Variants in KCNN2 observed in about 807,000 individuals in gnomAD.
KCNN2 encodes potassium calcium-activated channel subfamily N member 2.
KCNN2 carries 24 observed loss-of-function variants against 55.5 expected under a neutral mutation model. The ratio of observed to expected loss-of-function variants is 0.43; its 90% confidence interval spans 0.31 to 0.61. The LOEUF is 0.61. KCNN2 is among the 20% of genes least tolerant of loss of function. The probability of loss-of-function intolerance (pLI) is 0.08; values close to 1 mark genes in which losing one functional copy is unlikely to be tolerated. For synonymous variants in KCNN2, 431 were observed against 336.1 expected (o/e 1.28, Z -3.09); for missense variants, 754 against 853.6 (o/e 0.88, Z 1.45).
chr5:114,120,079 T>A lies in KCNN2; in HGVS notation c.-271+63579T>A, dbSNP rs957024000. Among the ~76,000 whole-genome samples, 25 of 152,182 alleles carry A rather than the reference T, an allele frequency of 1.6e-4. 1 individual carries two copies. Among genetic ancestry groups the A allele is most frequent in the African/African-American group, 6.0e-4 (25 of 41,454 alleles). ...ACAAGGGCAGTACCCTACTCTTTGA[T>A]CATCATTTATCCAGGAAGCTCTTGA... On this transcript the variant is annotated intron_variant, in intron 1 of 10. Transcript: ENST00000512097.
chr5:114,317,090 C>A (rs1358073845), intron 2 of KCNN2, among the ~76,000 whole-genome samples: 1 of 152,130 alleles, frequency 6.6e-6, no homozygotes, highest in Non-Finnish European at 1.5e-5. Context: ...TCCTTCATCT[C>A]TCTTCCTAGT....
intron 3 of KCNN2, among the ~76,000 whole-genome samples, chr5:114,420,870 C>G (rs1580814239): frequency 6.6e-6 from 1 of 152,154 alleles, no homozygotes; most frequent in African/African-American, 2.4e-5. Context: ...TTTGGCTGGG[C>G]CTGCTGTGGG....
chr5:114,228,326 T>C (rs771995438), intron 2 of KCNN2, among the ~76,000 whole-genome samples: 14 of 152,074 alleles, frequency 9.2e-5, no homozygotes, highest in Non-Finnish European at 1.8e-4. Flanking sequence ...TGTAACAGCA[T>C]GTAGAGTAGA....
At chr5:114,157,177 C>G (rs1252247923) in intron 1 of KCNN2, among the ~76,000 whole-genome samples, 1 of 141,832 alleles carries the variant, frequency 7.1e-6, no homozygotes, top group Non-Finnish European at 1.5e-5. Context: ...TACAGCAGTC[C>G]CTGGTGTGTG....
chr5:114,345,769 C>T (rs1033730889), intron 2 of KCNN2, among the ~76,000 whole-genome samples: 2 of 151,998 alleles, frequency 1.3e-5, no homozygotes, highest in African/African-American at 2.4e-5. Flanking sequence ...CTGGGGAGGC[C>T]TCTGGGAGCT....
chr5:114,353,175 G>A (rs764775388), intron 2 of KCNN2, among the ~76,000 whole-genome samples: 2 of 150,908 alleles, frequency 1.3e-5, no homozygotes, highest in Non-Finnish European at 3.0e-5. Context: ...TTTTCTTAAA[G>A]TCCATTTTGG....
chr5:114,255,300 A>T (rs192820458), intron 2 of KCNN2, among the ~76,000 whole-genome samples: 2 of 152,352 alleles, frequency 1.3e-5, no homozygotes, highest in Non-Finnish European at 2.9e-5. Flanking sequence ...TACAGTGGCA[A>T]CAAAAACTTA....
intron 2 of KCNN2, among the ~76,000 whole-genome samples, chr5:114,229,322 A>C (rs76098618): frequency 6.6e-6 from 1 of 150,626 alleles, no homozygotes; most frequent in Non-Finnish European, 1.5e-5. Flanking sequence ...TTTTGCTTTT[A>C]TTATCTAGGA....
At chr5:114,162,014 T>C (rs757670326) in intron 1 of KCNN2, among the ~76,000 whole-genome samples, 1 of 152,218 alleles carries the variant, frequency 6.6e-6, no homozygotes, top group Non-Finnish European at 1.5e-5. Context: ...TGAAAGTCAT[T>C]CTCTGTCCAG....
chr5:114,068,665 CA>C (rs1750500674), intron 1 of KCNN2, among the ~76,000 whole-genome samples: 1 of 152,274 alleles, frequency 6.6e-6, no homozygotes, highest in South Asian at 2.1e-4. Context: ...CCAGAGGGTC[CA>C]GGGAAAATAA....
At chr5:114,319,612 T>C (rs1756574782) in intron 2 of KCNN2, among the ~76,000 whole-genome samples, 2 of 152,200 alleles carry the variant, frequency 1.3e-5, no homozygotes, top group Non-Finnish European at 2.9e-5. Flanking sequence ...TTTGCCATGG[T>C]TATTATAAAT....
At chr5:114,263,133 A>G (rs557572074) in intron 2 of KCNN2, among the ~76,000 whole-genome samples, 20 of 152,222 alleles carry the variant, frequency 1.3e-4, no homozygotes, top group African/African-American at 4.3e-4. Context: ...TTGGCTCAGT[A>G]TGGCTCTTGG....
chr5:114,214,055 A>G (rs966741881), intron 1 of KCNN2, among the ~76,000 whole-genome samples: 2 of 152,082 alleles, frequency 1.3e-5, no homozygotes, highest in Admixed American at 6.6e-5. Context: ...CCCAATTTAT[A>G]GATGAGAAAG....
At position 114,252,004 on chromosome 5, in the gene KCNN2, G is replaced by A. The variant is rs529545184; in HGVS notation, c.-185+30439G>A. Among the ~76,000 whole-genome samples the A allele has an allele frequency of 2.7e-5, 4 of 149,526 alleles. No homozygotes were observed. The South Asian group carries it at 6.4e-4, about 24-fold the overall frequency. On this transcript the variant is annotated intron_variant, in intron 2 of 10. Transcript: ENST00000512097. ...AGCAATTCTCCCACCTCAGCCTCCCGAGCAGCTGGGATTATAGGCATGCCC... is the reference window on the plus strand; with the variant it reads ...AGCAATTCTCCCACCTCAGCCTCCCAAGCAGCTGGGATTATAGGCATGCCC...
intron 2 of KCNN2, among the ~76,000 whole-genome samples, chr5:114,239,378 T>C (rs749329274): frequency 7.9e-5 from 12 of 152,272 alleles, no homozygotes; most frequent in South Asian, 2.1e-4. Flanking sequence ...GAGATGCTTA[T>C]TGAAAAATTT....
chr5:114,230,283 C>CT lies in KCNN2; in HGVS notation c.-185+8721dup, dbSNP rs1318712958. On this transcript the variant is annotated intron_variant, in intron 2 of 10. Coordinates refer to the KCNN2 transcript ENST00000512097. The stretch of plus-strand genomic sequence containing the variant: ...AGTGATATTCTTTTTTTTTTTCTTT[C>CT]TTTCTTTTTTTTATTATACTTTAAG... Among the ~76,000 whole-genome samples the CT allele has an allele frequency of 3.3e-3, 327 of 99,450 alleles. 3 individuals are homozygous for CT. The highest frequency in any genetic ancestry group is 9.2e-3 in the African/African-American group (265 of 28,768). 65.2% of individuals were successfully genotyped at this position (99,450 alleles called of 152,430 possible).
chr5:114,210,387 C>G (rs1174849818), intron 1 of KCNN2, among the ~76,000 whole-genome samples: 3 of 152,032 alleles, frequency 2.0e-5, no homozygotes, highest in Non-Finnish European at 4.4e-5. Flanking sequence ...TGGTAGGAAC[C>G]TAACCCTGTA....
intron 1 of KCNN2, among the ~76,000 whole-genome samples, chr5:114,152,403 A>G (rs1382726250): frequency 6.6e-6 from 1 of 152,208 alleles, no homozygotes. Context: ...AATAAACTCA[A>G]AAAAGATTCT....
At chr5:114,475,876 T>C (rs2150126817) in intron 5 of KCNN2, among the ~76,000 whole-genome samples, 1 of 152,280 alleles carries the variant, frequency 6.6e-6, no homozygotes, top group South Asian at 2.1e-4. Context: ...AGCTTTTTTG[T>C]TGTAAGTTCT....
Sources: gnomAD v4.1 joint callset for allele counts (sites outside exome capture counted in the v4.1 genomes callset) on GRCh38, gnomAD v4.1.1 for gene constraint, MANE v1.5 for transcripts, NCBI Gene and HGNC (gene_info 2026-07-23, HGNC 2026-07-21) for gene names.